Variants in ALG14 observed in about 807,000 individuals in gnomAD.
The protein encoded by ALG14 is UDP-N-acetylglucosamine transferase subunit ALG14.
Under a neutral mutation model 22.8 loss-of-function variants are expected in ALG14, and 17 were observed. That is an observed-to-expected ratio of 0.75 (90% CI 0.51 to 1.12). ALG14 has a LOEUF of 1.12. Ranked by LOEUF, ALG14 falls within the 50% of genes most tolerant of loss-of-function variation. The pLI is 0.00. For synonymous variants in ALG14, 89 were observed against 103.7 expected (o/e 0.86, Z 0.86); for missense variants, 288 against 271.8 (o/e 1.06, Z -0.42).
In ALG14 at chr1:94,976,297, A is replaced by G. The variant is rs1288261570; in HGVS notation, c.*6779T>C. On this transcript the variant is annotated 3_prime_UTR_variant, in exon 4 of 4. Transcript: ENST00000370205. ...ATTAAAAAAAAATTAGAGAACTTGG[A>G]TACTAAGGTAGGAGTTTGGTGGCCC... The G allele has an allele frequency of 6.6e-6, 1 of 152,168 alleles. No individual in the cohort carries two copies. Among genetic ancestry groups the G allele is most frequent in the African/African-American group, 2.4e-5 (1 of 41,448 alleles). The allele number at this position is 152,168 out of a possible 1,614,324, so 9.4% of individuals were successfully genotyped here.
At chr1:95,046,895 C>T (rs140366964) in intron 2 of ALG14, among the ~76,000 whole-genome samples, 373 of 152,094 alleles carry the variant, frequency 2.5e-3, no homozygotes, top group African/African-American at 8.5e-3. Flanking sequence ...CCCAGAAGTT[C>T]GAGACCAGCC....
At chr1:95,041,589 T>C (rs1380994625) in intron 2 of ALG14, 1 of 141,982 alleles carries the variant, frequency 7.0e-6, no homozygotes, top group East Asian at 2.0e-4. Context: ...CACCCCAGCC[T>C]GGGCAGACAG....
intron 2 of ALG14, among the ~76,000 whole-genome samples, chr1:95,031,067 T>C (rs1673987054): frequency 1.3e-5 from 2 of 152,210 alleles, no homozygotes; most frequent in Non-Finnish European, 2.9e-5. Context: ...GTTCCATTTG[T>C]GTGCTGGAGC....
At position 94,980,176 on chromosome 1, in the gene ALG14, A is replaced by T. The variant is rs1472577060; in HGVS notation, c.*2900T>A. 6.6e-6 allele frequency: 1 copy of T among 152,084 alleles called. No homozygotes were observed. Among genetic ancestry groups the T allele is most frequent in the African/African-American group, 2.4e-5 (1 of 41,430 alleles). 9.4% of individuals were successfully genotyped at this position (152,084 alleles called of 1,614,324 possible). A position where few individuals can be genotyped will look rare whatever the true frequency, so the allele number is the denominator to read the frequency against. ...GAATGATGTGTTCCAAGTTGCTTTT[A>T]TAAGGGGAAGCTTGGGTCATCTCCT... On this transcript the variant is annotated 3_prime_UTR_variant, in exon 4 of 4. Coordinates refer to ENST00000370205, the MANE Select transcript of ALG14 (RefSeq NM_144988.4).
intron 2 of ALG14, among the ~76,000 whole-genome samples, chr1:95,044,982 TA>T (rs1674500147): frequency 6.6e-6 from 1 of 152,222 alleles, no homozygotes; most frequent in Non-Finnish European, 1.5e-5. Flanking sequence ...CTTCTGTATT[TA>T]TTTTTACCAT....
chr1:95,027,131 A>T lies in ALG14; in HGVS notation c.418T>A (p.Leu140Met). ...FPLIHRVKPDLVLCNGPGTCV... is the reference protein window; with the variant it reads ...FPLIHRVKPDMVLCNGPGTCV... ...TCCTTAGTGATGGTCTTACTTACCA[A>T]ATCTGGCTTCACCCTGTGAATTAGG... Residue 140 changes from leucine to methionine, a missense_variant and splice_region_variant, in exon 3 of 4, where the codon TTG (leucine) becomes ATG (methionine). Leu to Met is a conservative substitution (Grantham distance 15). Coordinates refer to ENST00000370205, the MANE Select transcript of ALG14 (RefSeq NM_144988.4). 6.2e-7 allele frequency: 1 copy of T among 1,614,038 alleles called. No homozygotes were observed. The highest frequency in any genetic ancestry group is 8.5e-7 in the Non-Finnish European group (1 of 1,179,942).
intron 3 of ALG14, among the ~76,000 whole-genome samples, chr1:95,022,931 A>G (rs559064015): frequency 6.6e-6 from 1 of 152,316 alleles, no homozygotes; most frequent in Admixed American, 6.5e-5. Context: ...GGGTTCTGGC[A>G]TGTCAACAAT....
At chr1:95,020,293 C>G (rs1407041284) in intron 3 of ALG14, among the ~76,000 whole-genome samples, 1 of 151,892 alleles carries the variant, frequency 6.6e-6, no homozygotes, top group Non-Finnish European at 1.5e-5. Flanking sequence ...TAAGCGCTAA[C>G]TGAAAAAGAT....
chr1:95,045,944 C>T lies in ALG14; in HGVS notation c.289-18684G>A, dbSNP rs533060022. ...ATTAGTATACTAATAGAATAGTATA[C>T]TAATAATTAGTATACTAATAGAATA... On this transcript the variant is annotated intron_variant, in intron 2 of 3. Transcript: ENST00000370205. 2.4e-3 allele frequency among the ~76,000 whole-genome samples: 346 copies of T among 147,100 alleles called. 3 individuals are homozygous for T. Among genetic ancestry groups the T allele is most frequent in the African/African-American group, 8.3e-3 (334 of 40,102 alleles).
chr1:95,046,176 T>C (rs1402260154), intron 2 of ALG14, among the ~76,000 whole-genome samples: 2 of 152,130 alleles, frequency 1.3e-5, no homozygotes, highest in African/African-American at 4.8e-5. Flanking sequence ...TACTCCTAAC[T>C]TCTAGGTGTA....
At chr1:94,999,499 C>T (rs775816278) in intron 3 of ALG14, among the ~76,000 whole-genome samples, 1 of 152,078 alleles carries the variant, frequency 6.6e-6, no homozygotes, top group African/African-American at 2.4e-5. Flanking sequence ...CAACTTACTC[C>T]TTTTCCACTC....
chr1:95,013,341 ATT>A (rs1200009159), intron 3 of ALG14, among the ~76,000 whole-genome samples: 3 of 147,190 alleles, frequency 2.0e-5, no homozygotes. Flanking sequence ...TGATTTATTT[ATT>A]TTTTTTTTTT....
intron 3 of ALG14, among the ~76,000 whole-genome samples, chr1:94,986,784 T>A (rs1423203604): frequency 6.6e-6 from 1 of 151,762 alleles, no homozygotes; most frequent in Admixed American, 6.6e-5. Context: ...TTTTTTTTTT[T>A]TTTTAACCAT....
chr1:95,062,488 C>A (rs1156371814), intron 2 of ALG14, among the ~76,000 whole-genome samples: 3 of 152,200 alleles, frequency 2.0e-5, no homozygotes, highest in Admixed American at 2.0e-4. Context: ...TGTGTTGTTC[C>A]CCCATATGTA....
At chr1:94,994,687 C>A (rs1200009344) in intron 3 of ALG14, among the ~76,000 whole-genome samples, 1 of 152,188 alleles carries the variant, frequency 6.6e-6, no homozygotes, top group Non-Finnish European at 1.5e-5. Context: ...CAGGGTTCTC[C>A]TCTCTACCAT....
chr1:95,060,715 A>G lies in ALG14; in HGVS notation c.288+4151T>C, dbSNP rs9437665. ...TGGGTGACAAAGTGAGACTCTGTTT[A>G]AAAAAAAAACAACAAATAAATAAAA... On this transcript the variant is annotated intron_variant, in intron 2 of 3. Coordinates refer to ENST00000370205, the MANE Select transcript of ALG14 (RefSeq NM_144988.4). 2.0e-5 allele frequency among the ~76,000 whole-genome samples: 3 copies of G among 150,344 alleles called. No individual in the cohort carries two copies. In the South Asian group the frequency reaches 6.3e-4, roughly 32 times the overall value.
At chr1:95,036,971 C>A (rs185980599) in intron 2 of ALG14, among the ~76,000 whole-genome samples, 10 of 152,188 alleles carry the variant, frequency 6.6e-5, no homozygotes, top group Non-Finnish European at 1.3e-4. Context: ...TGAGGCTGCA[C>A]TCCAGCTCTG....
At chr1:95,028,890 G>A (rs1182981595) in intron 2 of ALG14, among the ~76,000 whole-genome samples, 1 of 152,108 alleles carries the variant, frequency 6.6e-6, no homozygotes, top group Non-Finnish European at 1.5e-5. Context: ...CATTTTTCAG[G>A]TCAGAATAAC....
chr1:95,057,199 A>C (rs1571665757), intron 2 of ALG14, among the ~76,000 whole-genome samples: 1 of 151,628 alleles, frequency 6.6e-6, no homozygotes, highest in South Asian at 2.1e-4. Context: ...TGTTATATGG[A>C]TATGGAAATA....
Sources: allele counts gnomAD v4.1 joint callset (sites outside exome capture counted in the v4.1 genomes callset), GRCh38; gene constraint gnomAD v4.1.1; transcripts MANE v1.5; gene names NCBI Gene and HGNC (gene_info 2026-07-23, HGNC 2026-07-21).